Variants in CHID1 observed in about 807,000 individuals in gnomAD.
CHID1 encodes the protein chitinase domain-containing protein 1.
A neutral mutation model predicts 55.4 loss-of-function variants in CHID1; 44 were observed. The observed-to-expected ratio is 0.79, with a 90% CI of 0.62 to 1.02. The LOEUF (loss-of-function observed/expected upper bound fraction) is 1.02, where lower values mean the gene tolerates loss of function less well. CHID1 is among the 50% of genes least tolerant of loss of function. The pLI is 0.00. For synonymous variants in CHID1, 216 were observed against 212.9 expected (o/e 1.01, Z -0.13); for missense variants, 491 against 515.3 (o/e 0.95, Z 0.46).
intron 4 of CHID1, 181 bp downstream of exon 4, chr11:902,017 A>T: frequency 1.6e-6 from 1 of 642,842 alleles, no homozygotes; most frequent in Non-Finnish European, 2.7e-6. Flanking sequence ...CTTCTCTCCC[A>T]CATCATCAGT....
chr11:873,107 G>C (rs1482883613), intron 10 of CHID1, among the ~76,000 whole-genome samples: 1 of 152,294 alleles, frequency 6.6e-6, no homozygotes, highest in East Asian at 1.9e-4. Flanking sequence ...GGTGCTGGGT[G>C]GGGGTGTGTG....
In CHID1 at chr11:902,849, G is replaced by A. The variant is rs921241210; in HGVS notation, c.261+113C>T. ...AGCCTCACAGCAGCAGCAGCTCCGGGAGATCAGAACATAGACCCCCATCAC... is the reference window on the plus strand; with the variant it reads ...AGCCTCACAGCAGCAGCAGCTCCGGAAGATCAGAACATAGACCCCCATCAC... On this transcript the variant is annotated intron_variant, in intron 3 of 12. Coordinates refer to ENST00000323578, the MANE Select transcript of CHID1 (RefSeq NM_023947.4). 3 of 991,054 alleles carry A rather than the reference G, an allele frequency of 3.0e-6. No individual in the cohort carries two copies. In the South Asian group the frequency reaches 4.8e-5, roughly 16 times the overall value. 61.4% of individuals were successfully genotyped at this position (991,054 alleles called of 1,614,324 possible). A position where few individuals can be genotyped will look rare whatever the true frequency, so the allele number is the denominator to read the frequency against.
At chr11:902,043 TCA>T in intron 4 of CHID1, 153 bp downstream of exon 4, 1 of 739,632 alleles carries the variant, frequency 1.4e-6, no homozygotes, top group Non-Finnish European at 2.2e-6. Flanking sequence ...ACTTACACAC[TCA>T]CATTCACACT....
At chr11:869,984 T>A in intron 12 of CHID1, 28 bp from the exon 13 acceptor site, 1 of 1,610,574 alleles carries the variant, frequency 6.2e-7, no homozygotes. Context: ...TGTGAGCACC[T>A]GCTGGGGCCT....
chr11:907,498 A>G (rs1332410278), intron 1 of CHID1, among the ~76,000 whole-genome samples: 1 of 151,324 alleles, frequency 6.6e-6, no homozygotes, highest in Admixed American at 6.6e-5. Context: ...AAAAAAAGTG[A>G]TTCTACTTTC....
intron 10 of CHID1, among the ~76,000 whole-genome samples, chr11:871,681 G>A (rs556577584): frequency 2.6e-5 from 4 of 152,340 alleles, no homozygotes; most frequent in South Asian, 2.1e-4. Context: ...CCTACAGCCC[G>A]GGTGCCATGT....
chr11:880,903 A>G (rs1428419515), intron 10 of CHID1, among the ~76,000 whole-genome samples: 1 of 152,234 alleles, frequency 6.6e-6, no homozygotes, highest in Non-Finnish European at 1.5e-5. Context: ...AAAAATGCTA[A>G]AACACCCAGC....
intron 12 of CHID1, 49 bp downstream of exon 12, chr11:870,072 G>T: frequency 1.9e-6 from 3 of 1,611,186 alleles, no homozygotes; most frequent in Non-Finnish European, 1.7e-6. Flanking sequence ...CTGCTGTGCT[G>T]TCGCATGGCC....
upstream of CHID1, chr11:914,685 T>C: frequency 1.8e-6 from 1 of 546,136 alleles, no homozygotes; most frequent in Non-Finnish European, 3.0e-6. Context: ...ATTGCACTGC[T>C]GCACTCCAGC....
intron 5 of CHID1, 150 bp downstream of exon 5, chr11:900,786 C>A: frequency 1.6e-6 from 1 of 624,536 alleles, no homozygotes. Flanking sequence ...AATGCCAGGC[C>A]AGGGCCAGCC....
At chr11:914,564 A>G (rs1852848207), upstream of CHID1, 1 of 1,289,302 alleles carries the variant, frequency 7.8e-7, no homozygotes, top group South Asian at 1.2e-5. Flanking sequence ...TGCCTCTCAC[A>G]GACATCCTCA....
upstream of CHID1, among the ~76,000 whole-genome samples, chr11:914,135 T>C (rs968579184): frequency 2.0e-5 from 3 of 152,104 alleles, no homozygotes; most frequent in Non-Finnish European, 4.4e-5. Flanking sequence ...GTTTGTAAAA[T>C]TGAACTTAAC....
intron 10 of CHID1, 41 bp from the exon 11 acceptor site, chr11:870,540 C>T (rs1250118535): frequency 7.2e-7 from 1 of 1,393,314 alleles, no homozygotes; most frequent in South Asian, 1.2e-5. Context: ...CCACCCAGCT[C>T]CCCCACAGCC....
At chr11:887,068 C>G (rs934867420) in intron 8 of CHID1, among the ~76,000 whole-genome samples, 3 of 152,162 alleles carry the variant, frequency 2.0e-5, no homozygotes, top group Non-Finnish European at 2.9e-5. Flanking sequence ...GGGTCTTGCT[C>G]TGTTGCCCAG....
intron 10 of CHID1, chr11:882,830 T>TCAA (rs1850080227): frequency 3.6e-6 from 1 of 278,568 alleles, no homozygotes; most frequent in East Asian, 6.5e-5. Context: ...GGAGGAGCAT[T>TCAA]CAACCCAGGA....
chr11:914,939 G>A (rs1852859091), upstream of CHID1: 1 of 217,654 alleles, frequency 4.6e-6, no homozygotes, highest in Non-Finnish European at 9.3e-6. Context: ...GGAGACCTTG[G>A]CCTGGGTCAC....
chr11:878,179 C>T (rs886571966), intron 10 of CHID1, among the ~76,000 whole-genome samples: 13 of 152,198 alleles, frequency 8.5e-5, no homozygotes, highest in East Asian at 1.9e-4. Flanking sequence ...TTTGGGAAGC[C>T]GAGCCGGGTG....
chr11:890,298 G>A (rs1168560341), intron 8 of CHID1, among the ~76,000 whole-genome samples: 1 of 152,266 alleles, frequency 6.6e-6, no homozygotes, highest in Non-Finnish European at 1.5e-5. Context: ...GCAAGAGGCA[G>A]GTGGGCGACG....
intron 9 of CHID1, among the ~76,000 whole-genome samples, chr11:883,676 C>T (rs1850171780): frequency 6.6e-6 from 1 of 152,258 alleles, no homozygotes; most frequent in African/African-American, 2.4e-5. Flanking sequence ...CCGCATGACA[C>T]AGTGGGAAGG....
Sources: allele counts gnomAD v4.1 joint callset (sites outside exome capture counted in the v4.1 genomes callset), GRCh38; gene constraint gnomAD v4.1.1; transcripts MANE v1.5; gene names NCBI Gene and HGNC (gene_info 2026-07-23, HGNC 2026-07-21).